STK33: variants seen among roughly 807,000 people sequenced by gnomAD.
STK33 encodes serine/threonine kinase 33, also known as serine/threonine-protein kinase 33.
A neutral mutation model predicts 58.0 loss-of-function variants in STK33; 52 were observed. The ratio of observed to expected loss-of-function variants is 0.90; its 90% CI spans 0.72 to 1.13. The LOEUF is 1.13. STK33 is among the 50% of genes most tolerant of loss of function. The pLI, the probability that STK33 is intolerant of heterozygous loss-of-function variation, is 0.00. For synonymous variants in STK33, 215 were observed against 200.1 expected, an observed-to-expected ratio of 1.07 and a Z score of -0.63; for missense variants, 630 against 604.2, an observed-to-expected ratio of 1.04 and a Z score of -0.45.
the STK33 span, among the ~76,000 whole-genome samples, chr11:8,371,146 G>A: frequency 6.6e-6 from 1 of 152,310 alleles, no homozygotes; most frequent in East Asian, 1.9e-4. Context: ...TCCATTTGGA[G>A]CCTCAGAAAA....
chr11:8,531,029 A>T (rs945269140), intron 1 of STK33, among the ~76,000 whole-genome samples: 2 of 152,360 alleles, frequency 1.3e-5, no homozygotes, highest in Middle Eastern at 3.4e-3. Flanking sequence ...GATGAAAAAG[A>T]AAATTAGTGC....
chr11:8,360,691 T>C, the STK33 span, among the ~76,000 whole-genome samples: 1 of 152,238 alleles, frequency 6.6e-6, no homozygotes, highest in African/African-American at 2.4e-5. Flanking sequence ...CTCGGAATAC[T>C]GATGTCCCCG....
At chr11:8,340,712 C>A in the STK33 span, among the ~76,000 whole-genome samples, 6 of 152,314 alleles carry the variant, frequency 3.9e-5, no homozygotes, top group Non-Finnish European at 5.9e-5. Flanking sequence ...ATGACACATG[C>A]AGCAGGGCCC....
chr11:8,572,659 T>C lies in STK33; in HGVS notation c.-466+21424A>G, dbSNP rs1007143371. 2.6e-5 allele frequency among the ~76,000 whole-genome samples: 4 copies of C among 152,036 alleles called. No individual in the cohort carries two copies. The East Asian group carries it at 7.7e-4, about 29-fold the overall frequency. On this transcript the variant is annotated intron_variant, in intron 1 of 15. Transcript: ENST00000687296. ...GTCTCGAACTCCTGGCCTCAAGCAATCCTCCAACCTCAGCCTCTGAAGTCA... is the reference window on the plus strand; with the variant it reads ...GTCTCGAACTCCTGGCCTCAAGCAACCCTCCAACCTCAGCCTCTGAAGTCA...
rs1951801734 is a variant in STK33, at chr11:8,505,464, A to G, written c.-465-24850T>C. Among the ~76,000 whole-genome samples, 3 of 152,206 alleles carry G rather than the reference A, an allele frequency of 2.0e-5. No individual in the cohort carries two copies. In the South Asian group the frequency reaches 6.2e-4, roughly 32 times the overall value. ...ACGTGTGCTATTCCCTCCACGTGGG[A>G]CATTCTTCCTACCATCCTGCCCTTG... On this transcript the variant is annotated intron_variant, in intron 1 of 15. Coordinates refer to ENST00000687296, the MANE Select transcript of STK33 (RefSeq NM_001352389.2).
At chr11:8,569,884 G>A (rs559722828) in intron 1 of STK33, among the ~76,000 whole-genome samples, 77 of 152,278 alleles carry the variant, frequency 5.1e-4, no homozygotes, top group African/African-American at 1.8e-3. Flanking sequence ...TTGAGCCCAA[G>A]GCTACAGTGA....
the STK33 span, among the ~76,000 whole-genome samples, chr11:8,375,403 C>CAGAA: frequency 2.0e-5 from 3 of 152,256 alleles, no homozygotes; most frequent in Admixed American, 6.5e-5. Context: ...CATTGCTTGA[C>CAGAA]AGAAAGAAAC....
At chr11:8,527,871 T>C (rs542333815) in intron 1 of STK33, among the ~76,000 whole-genome samples, 44 of 152,346 alleles carry the variant, frequency 2.9e-4, no homozygotes, top group African/African-American at 1.0e-3. Context: ...GGTGCTATCA[T>C]AGAAATAGAT....
At chr11:8,458,421 T>TAAA (rs34675150) in intron 8 of STK33, among the ~76,000 whole-genome samples, 1 of 143,898 alleles carries the variant, frequency 6.9e-6, no homozygotes. Flanking sequence ...TATGGGCCAT[T>TAAA]AAAAAAAAAA....
intron 15 of STK33, among the ~76,000 whole-genome samples, chr11:8,402,275 AC>A (rs1455677337): frequency 9.2e-5 from 14 of 152,370 alleles, no homozygotes; most frequent in Admixed American, 9.1e-4. Flanking sequence ...ACCATGGAAT[AC>A]TATGCAGCCA....
intron 1 of STK33, among the ~76,000 whole-genome samples, chr11:8,500,204 C>T (rs182891613): frequency 6.6e-6 from 1 of 152,062 alleles, no homozygotes; most frequent in African/African-American, 2.4e-5. Flanking sequence ...CACTACAGCA[C>T]AATTAAACAA....
intron 7 of STK33, among the ~76,000 whole-genome samples, 154 bp downstream of exon 7, chr11:8,464,555 G>C (rs936527892): frequency 6.6e-6 from 1 of 152,064 alleles, no homozygotes; most frequent in East Asian, 1.9e-4. Context: ...CCCTTTCCGG[G>C]AGGCTAGAGA....
rs767771615 is a variant in STK33 at position 8,454,832 on chromosome 11, T to C, written c.698A>G (p.Asp233Gly). 2 of 1,548,252 alleles carry C rather than the reference T, an allele frequency of 1.3e-6. No homozygotes were observed. The highest frequency in any genetic ancestry group is 1.7e-4 in the Middle Eastern group (1 of 5,824). ...CAGTTTCAGATCTCTATGTACAATA[T>C]CTACCAAGAAAATAAACAACAAATC... is the stretch of plus-strand genomic sequence containing the variant. ...ASAIAYLHNN[D>G]IVHRDLKLEN... Residue 233 changes from aspartate (D) to glycine (G), a missense_variant and splice_region_variant, in exon 10 of 16, where the codon GAT becomes GGT. Asp to Gly is a moderately conservative substitution (Grantham distance 94). Coordinates refer to ENST00000687296, the MANE Select transcript of STK33 (RefSeq NM_001352389.2).
chr11:8,405,471 G>C (rs1386752691), intron 15 of STK33, among the ~76,000 whole-genome samples: 1 of 152,122 alleles, frequency 6.6e-6, no homozygotes, highest in Non-Finnish European at 1.5e-5. Context: ...TATTCTGCAT[G>C]CAAGTCTTCT....
chr11:8,399,455 C>G (rs1165271649), intron 15 of STK33, among the ~76,000 whole-genome samples: 2 of 152,110 alleles, frequency 1.3e-5, no homozygotes, highest in South Asian at 4.1e-4. Flanking sequence ...ATCTCTGGGA[C>G]GCATTCAAAG....
chr11:8,571,898 A>T (rs185595145), intron 1 of STK33, among the ~76,000 whole-genome samples: 2,997 of 106,052 alleles, frequency 0.028, 96 homozygotes, highest in African/African-American at 0.069. Context: ...AAAAATTTTA[A>T]AAAAATTTAA....
intron 11 of STK33, among the ~76,000 whole-genome samples, chr11:8,452,325 A>G (rs1946382726): frequency 6.6e-6 from 1 of 152,242 alleles, no homozygotes; most frequent in Non-Finnish European, 1.5e-5. Context: ...GCCCAGAGAA[A>G]TAACAAAATT....
chr11:8,375,862 G>A, the STK33 span, among the ~76,000 whole-genome samples: 1 of 152,174 alleles, frequency 6.6e-6, no homozygotes, highest in Non-Finnish European at 1.5e-5. Flanking sequence ...AGTCAATTAA[G>A]CCTCTTTCCT....
At chr11:8,589,954 G>A (rs184370896) in intron 1 of STK33, among the ~76,000 whole-genome samples, 1 of 152,290 alleles carries the variant, frequency 6.6e-6, no homozygotes, top group African/African-American at 2.4e-5. Context: ...GAGCTCCTTA[G>A]AGCAAAGATA....
Sources: gnomAD v4.1 joint callset for allele counts (sites outside exome capture counted in the v4.1 genomes callset) on GRCh38, gnomAD v4.1.1 for gene constraint, MANE v1.5 for transcripts, NCBI Gene and HGNC (gene_info 2026-07-23, HGNC 2026-07-21) for gene names.